Variants in GRID2IP observed in about 807,000 individuals in gnomAD.
GRID2IP encodes Grid2 interacting protein.
GRID2IP carries 78 observed loss-of-function variants against 114.3 expected under a neutral mutation model. The observed-to-expected ratio is 0.68, with a 90% confidence interval of 0.57 to 0.82. GRID2IP has a LOEUF of 0.82. Among genes scored for constraint, GRID2IP ranks in the 40% least tolerant of loss-of-function variants. The probability of loss-of-function intolerance (pLI) is 0.00; values close to 1 mark genes in which losing one functional copy is unlikely to be tolerated. For synonymous variants in GRID2IP, 809 were observed against 724.0 expected (o/e 1.12, Z -1.89); for missense variants, 1,727 against 1,678.5 (o/e 1.03, Z -0.51).
rs1037281533 is a variant in GRID2IP at position 6,526,535 on chromosome 7, G to C, written c.819C>G (p.Pro273=). Residue 273 remains proline (P), a synonymous_variant, in exon 3 of 22, where the codon CCC becomes CCG. Transcript: ENST00000457091. The surrounding 1 kb of genome is among the most constrained non-coding windows in gnomAD (Gnocchi z 7.6). Reference sequence around the variant, plus strand: ...GCCCCGCGTACCTGCGCGCGCCCCCGGGGCCGGCGAGGCCGCCCACCAGCA... The same window carrying C: ...GCCCCGCGTACCTGCGCGCGCCCCCCGGGCCGGCGAGGCCGCCCACCAGCA... ...ASLLVGGLAG[P]GGARRTVRVY... 106 of 1,230,006 alleles carry C rather than the reference G, an allele frequency of 8.6e-5. No homozygotes were observed. The highest frequency in any genetic ancestry group is 1.1e-4 in the Non-Finnish European group (104 of 986,622). 76.2% of individuals were successfully genotyped at this position (1,230,006 alleles called of 1,614,324 possible).
At position 6,516,073 on chromosome 7, in the gene GRID2IP, G is replaced by C. The variant is rs1779291533; in HGVS notation, c.1269-1544C>G. Among the ~76,000 whole-genome samples the C allele has an allele frequency of 6.6e-6, 1 of 151,398 alleles. No individual in the cohort carries two copies. The highest frequency in any genetic ancestry group is 1.5e-5 in the Non-Finnish European group (1 of 67,914). On this transcript the variant is annotated intron_variant, in intron 7 of 21. Coordinates refer to ENST00000457091, the MANE Select transcript of GRID2IP (RefSeq NM_001145118.2). This position sits in a 1 kb window ranked among gnomAD's most constrained non-coding sequence, Gnocchi z 4.3. ...GATCGCGCCATTGCACTCCAGCCTG[G>C]GTGACAGAGCAAGACCCCGTCTCAA...
At position 6,526,439 on chromosome 7, in the gene GRID2IP, C is replaced by T; in HGVS notation, c.833+82G>A. The stretch of plus-strand genomic sequence containing the variant: ...ATGCACCCCAGATGCCCAGCCCCGC[C>T]CCTACGCCCTCTCCCCGGGTCTCGG... On this transcript the variant is annotated intron_variant, in intron 3 of 21. Transcript: ENST00000457091. This position sits in a 1 kb window ranked among gnomAD's most constrained non-coding sequence, Gnocchi z 7.6. The T allele has an allele frequency of 6.7e-7, 1 of 1,487,098 alleles. No homozygotes were observed. The highest frequency in any genetic ancestry group is 2.5e-5 in the East Asian group (1 of 40,186). The allele number at this position is 1,487,098 out of a possible 1,614,324, so 92.1% of individuals were successfully genotyped here. A position where few individuals can be genotyped will look rare whatever the true frequency, so the allele number is the denominator to read the frequency against.
chr7:6,514,548 A>G lies in GRID2IP; in HGVS notation c.1269-19T>C. The G allele has an allele frequency of 6.7e-7, 1 of 1,494,342 alleles. No homozygotes were observed. Among genetic ancestry groups the G allele is most frequent in the Non-Finnish European group, 9.0e-7 (1 of 1,117,200 alleles). The allele number at this position is 1,494,342 out of a possible 1,614,324, so 92.6% of individuals were successfully genotyped here. A position where few individuals can be genotyped will look rare whatever the true frequency, so the allele number is the denominator to read the frequency against. On this transcript the variant is annotated intron_variant, in intron 7 of 21. Transcript: ENST00000457091. ...GATGTTCCTGGGGGAAGGTGCAGGAATGTGAGGCTCAATACTCACGGGCTT... is the reference window on the plus strand; with the variant it reads ...GATGTTCCTGGGGGAAGGTGCAGGAGTGTGAGGCTCAATACTCACGGGCTT...
intron 20 of GRID2IP, among the ~76,000 whole-genome samples, chr7:6,500,522 GCC>G (rs1786384223): frequency 1.3e-5 from 2 of 152,148 alleles, no homozygotes; most frequent in Non-Finnish European, 2.9e-5. Context: ...AAAGCACCTT[GCC>G]CAAGCTGTAG....
intron 1 of GRID2IP, among the ~76,000 whole-genome samples, chr7:6,545,207 A>T (rs1226364285): frequency 6.6e-6 from 1 of 152,128 alleles, no homozygotes; most frequent in Non-Finnish European, 1.5e-5. Context: ...TGTGCCCGGG[A>T]AATCAAGGCT....
chr7:6,526,513 C>T lies in GRID2IP; in HGVS notation c.833+8G>A. Reference sequence around the variant, plus strand: ...CGCCCGCTGCCAGTGCCTGTGAGCCCCGCGTACCTGCGCGCGCCCCCGGGG... The same window carrying T: ...CGCCCGCTGCCAGTGCCTGTGAGCCTCGCGTACCTGCGCGCGCCCCCGGGG... On this transcript the variant is annotated splice_region_variant and intron_variant, in intron 3 of 21. Transcript: ENST00000457091. This position sits in a 1 kb window ranked among gnomAD's most constrained non-coding sequence, Gnocchi z 7.6. 4 of 1,269,626 alleles carry T rather than the reference C, an allele frequency of 3.2e-6. No homozygotes were observed. The highest frequency in any genetic ancestry group is 4.0e-6 in the Non-Finnish European group (4 of 1,009,432). 78.6% of individuals were successfully genotyped at this position (1,269,626 alleles called of 1,614,324 possible). A position where few individuals can be genotyped will look rare whatever the true frequency, so the allele number is the denominator to read the frequency against.
Position 6,508,404 on chromosome 7 carries a change from G to C in GRID2IP, c.2128-3C>G, listed in dbSNP as rs1312689957. The C allele has an allele frequency of 1.3e-6, 2 of 1,551,086 alleles. No homozygotes were observed. Among genetic ancestry groups the C allele is most frequent in the African/African-American group, 2.7e-5 (2 of 73,026 alleles). ...CCCTGGTCATCATGGAAGCTCATCT[G>C]GTGGTGGGGAGAGAGGCAAGGGGAG... On this transcript the variant is annotated splice_region_variant and splice_polypyrimidine_tract_variant and intron_variant, in intron 12 of 21. Transcript: ENST00000457091. This position sits in a 1 kb window ranked among gnomAD's most constrained non-coding sequence, Gnocchi z 5.6.
rs564578729 is a variant in GRID2IP at position 6,520,572 on chromosome 7, G to T, written c.1268+6C>A. 6.5e-7 allele frequency: 1 copy of T among 1,548,736 alleles called. No homozygotes were observed. The highest frequency in any genetic ancestry group is 2.0e-5 in the Admixed American group (1 of 50,946). The stretch of plus-strand genomic sequence containing the variant: ...CAGGGCCCCACCGCGGCTTTGGCCC[G>T]GCCACCTGTGCTGGAAGAAGCTCTC... On this transcript the variant is annotated splice_donor_region_variant and intron_variant, in intron 7 of 21. Coordinates refer to ENST00000457091, the MANE Select transcript of GRID2IP (RefSeq NM_001145118.2). This position sits in a 1 kb window ranked among gnomAD's most constrained non-coding sequence, Gnocchi z 4.6.
rs114887238 is a variant in GRID2IP, at chr7:6,515,351, A to G, written c.1269-822T>C. 4.9e-3 allele frequency among the ~76,000 whole-genome samples: 753 copies of G among 152,174 alleles called. 5 individuals are homozygous for G. Among genetic ancestry groups the G allele is most frequent in the African/African-American group, 0.018 (732 of 41,502 alleles). ...GTGGCATGTACCCTCAGTCCCAGCT[A>G]CTCAGGAGGCTGAAGTAGGAGAATC... On this transcript the variant is annotated intron_variant, in intron 7 of 21. Transcript: ENST00000457091.
Position 6,508,834 on chromosome 7 carries a change from T to C in GRID2IP, c.2127+124A>G, listed in dbSNP as rs1786673974. On this transcript the variant is annotated intron_variant, in intron 12 of 21. Transcript: ENST00000457091. The surrounding 1 kb of genome is among the most constrained non-coding windows in gnomAD (Gnocchi z 5.6). ...GGGTGGGATAGCTTGAGCTAGGGAG[T>C]GGGATAGCCTGGGGAAGATCCCAAG... 2.1e-6 allele frequency: 3 copies of C among 1,396,584 alleles called. No individual in the cohort carries two copies. The highest frequency in any genetic ancestry group is 2.9e-5 in the African/African-American group (2 of 68,740). 86.5% of individuals were successfully genotyped at this position (1,396,584 alleles called of 1,614,324 possible). A position where few individuals can be genotyped will look rare whatever the true frequency, so the allele number is the denominator to read the frequency against.
chr7:6,540,559 C>T (rs1779799741), intron 1 of GRID2IP, among the ~76,000 whole-genome samples: 2 of 151,308 alleles, frequency 1.3e-5, no homozygotes, highest in African/African-American at 4.8e-5. Flanking sequence ...CTCACTCTGC[C>T]ACCCAGGCTG....
chr7:6,527,483 A>G (rs1105664), intron 2 of GRID2IP, among the ~76,000 whole-genome samples: 133,403 of 152,266 alleles, frequency 0.88, 59,281 homozygotes, highest in African/African-American at 0.96. Flanking sequence ...GTTCAAAGCT[A>G]AAGGGACTGT....
In GRID2IP at chr7:6,496,934, C is replaced by A. The variant is rs572830407; in HGVS notation, c.*840G>T. ...CACATGTAAAATGACCATTTGGGTC[C>A]CAAACACATCCCAGATTGTGTCATC... On this transcript the variant is annotated 3_prime_UTR_variant, in exon 22 of 22. Coordinates refer to ENST00000457091, the MANE Select transcript of GRID2IP (RefSeq NM_001145118.2). Among the ~76,000 whole-genome samples, 230 of 152,164 alleles carry A rather than the reference C, an allele frequency of 1.5e-3. No homozygotes were observed. Among genetic ancestry groups the A allele is most frequent in the African/African-American group, 5.3e-3 (219 of 41,516 alleles).
Position 6,509,331 on chromosome 7 carries a change from T to G in GRID2IP, c.1772-18A>C, listed in dbSNP as rs1583336948. ...CCTGGGCCCTGGAGGAGGGATGGAG[T>G]ATGAGGATTCCTCTTCAGCCAGCAC... On this transcript the variant is annotated intron_variant, in intron 11 of 21. Coordinates refer to ENST00000457091, the MANE Select transcript of GRID2IP (RefSeq NM_001145118.2). This position sits in a 1 kb window ranked among gnomAD's most constrained non-coding sequence, Gnocchi z 4.9. The G allele has an allele frequency of 6.8e-7, 1 of 1,474,650 alleles. No homozygotes were observed. The highest frequency in any genetic ancestry group is 2.5e-5 in the East Asian group (1 of 39,654). 91.3% of individuals were successfully genotyped at this position (1,474,650 alleles called of 1,614,324 possible).
Position 6,499,424 on chromosome 7 carries a change from TTTAA to T in GRID2IP, c.3400-1200_3400-1197del, listed in dbSNP as rs200417170. Among the ~76,000 whole-genome samples the T allele has an allele frequency of 6.8e-3, 1,036 of 152,276 alleles. 9 individuals are homozygous for T. Among genetic ancestry groups the T allele is most frequent in the African/African-American group, 0.023 (976 of 41,558 alleles). ...GTCAATTTCCTTTGCAGAGGCTGCC[TTTAA>T]TTAATTAATTAATTAATTTTGAGAC... On this transcript the variant is annotated intron_variant, in intron 20 of 21. Transcript: ENST00000457091.
chr7:6,512,170 G>A (rs1051053602), intron 8 of GRID2IP, among the ~76,000 whole-genome samples: 4 of 148,770 alleles, frequency 2.7e-5, no homozygotes, highest in Non-Finnish European at 4.4e-5. Flanking sequence ...ACCTGCCTCA[G>A]CCTCTGAAAG....
intron 20 of GRID2IP, 91 bp from the exon 21 acceptor site, chr7:6,498,319 T>G: frequency 7.7e-7 from 1 of 1,294,570 alleles, no homozygotes; most frequent in Non-Finnish European, 1.0e-6. Flanking sequence ...AGCAGCCCTA[T>G]TCCCGGTTGG....
In GRID2IP at chr7:6,519,741, G is replaced by A. The variant is rs1779378220; in HGVS notation, c.1268+837C>T. Among the ~76,000 whole-genome samples the A allele has an allele frequency of 6.6e-6, 1 of 152,082 alleles. No homozygotes were observed. Among genetic ancestry groups the A allele is most frequent in the South Asian group, 2.1e-4 (1 of 4,830 alleles). ...CACTGCACTCCAGCCTGGGCAACGA[G>A]AGTGAAACACCATCTCAAAAAACAA... is the stretch of plus-strand genomic sequence containing the variant. On this transcript the variant is annotated intron_variant, in intron 7 of 21. Transcript: ENST00000457091. The surrounding 1 kb of genome is among the most constrained non-coding windows in gnomAD (Gnocchi z 4.1).
chr7:6,500,116 G>A (rs999947540), intron 20 of GRID2IP, among the ~76,000 whole-genome samples: 3 of 151,978 alleles, frequency 2.0e-5, no homozygotes, highest in African/African-American at 7.2e-5. Context: ...TGGACTGAGG[G>A]ATGCTAGAGT....
Sources: gnomAD v4.1 joint callset for allele counts (sites outside exome capture counted in the v4.1 genomes callset) on GRCh38, gnomAD v4.1.1 for gene constraint, Gnocchi (gnomAD v3.1) non-coding constraint, MANE v1.5 for transcripts, NCBI Gene and HGNC (gene_info 2026-07-23, HGNC 2026-07-21) for gene names.